Variants in MEGF6 observed in about 807,000 individuals in gnomAD.
MEGF6 encodes multiple epidermal growth factor-like domains protein 6.
MEGF6 carries 184 observed loss-of-function variants against 207.1 expected under a neutral mutation model. That is an observed-to-expected ratio of 0.89 (90% CI 0.79 to 1.00). MEGF6 has a LOEUF of 1.00. Ranked by LOEUF, MEGF6 falls within the 50% of genes least tolerant of loss-of-function variation. The pLI is 0.00. For missense variants in MEGF6, 2,282 were observed against 2,202.9 expected (o/e 1.04, Z -0.72); for synonymous variants, 1,038 against 910.0 (o/e 1.14, Z -2.53).
At position 3,596,662 on chromosome 1, in the gene MEGF6, C is replaced by T. The variant is rs563024811; in HGVS notation, c.267-1215G>A. On this transcript the variant is annotated intron_variant, in intron 2 of 36. Coordinates refer to ENST00000356575, the MANE Select transcript of MEGF6 (RefSeq NM_001409.4). ...CCCGTCTCCACCCCAGGGCACCCTG[C>T]GCCATCCCCTGCCCAGACCCTGTCT... Among the ~76,000 whole-genome samples, 471 of 120,260 alleles carry T rather than the reference C, an allele frequency of 3.9e-3. 26 individuals are homozygous for T. The highest frequency in any genetic ancestry group is 0.016 in the African/African-American group (444 of 28,550). 78.9% of individuals were successfully genotyped at this position (120,260 alleles called of 152,430 possible).
At chr1:3,533,463 T>C (rs1642236352) in intron 4 of MEGF6, among the ~76,000 whole-genome samples, 1 of 152,210 alleles carries the variant, frequency 6.6e-6, no homozygotes, top group South Asian at 2.1e-4. Flanking sequence ...AATGTGCAAC[T>C]CATTGCCAAC....
In MEGF6 at chr1:3,565,595, A is replaced by T. The variant is rs371170218; in HGVS notation, c.481+14230T>A. 5.7e-4 allele frequency among the ~76,000 whole-genome samples: 87 copies of T among 152,218 alleles called. No homozygotes were observed. The highest frequency in any genetic ancestry group is 2.0e-3 in the African/African-American group (83 of 41,534). On this transcript the variant is annotated intron_variant, in intron 4 of 36. Transcript: ENST00000356575. The surrounding 1 kb of genome is among the most constrained non-coding windows in gnomAD (Gnocchi z 4.8). ...GGCCCTGGACGGTCCCCATGGTAGG[A>T]CCTGGGGCACAGCACCAGGGTGCCC... is the stretch of plus-strand genomic sequence containing the variant.
chr1:3,588,675 G>A (rs1643932463), intron 3 of MEGF6, among the ~76,000 whole-genome samples: 1 of 152,028 alleles, frequency 6.6e-6, no homozygotes. Flanking sequence ...GCTGGGCACA[G>A]AGAAGGGCTC....
chr1:3,496,005 G>A lies in MEGF6; in HGVS notation c.3756C>T (p.Gly1252=), dbSNP rs771393042. 140 of 1,534,774 alleles carry A rather than the reference G, an allele frequency of 9.1e-5. No homozygotes were observed. The highest frequency in any genetic ancestry group is 1.2e-4 in the Non-Finnish European group (135 of 1,148,272). ...CGTGGGTGCAGTTGGGGCCGAAGCG[G>A]CCCTGCGGACAGGCTGCCGGGGAGG... ...GTDCNLTCPQ[G]RFGPNCTHVC... The change falls in exon 30 of 37, where the codon GGC becomes GGT. Residue 1252 remains glycine, a synonymous_variant. Coordinates refer to ENST00000356575, the MANE Select transcript of MEGF6 (RefSeq NM_001409.4).
intron 24 of MEGF6, 99 bp from the exon 25 acceptor site, chr1:3,498,925 C>T: frequency 6.7e-7 from 1 of 1,483,134 alleles, no homozygotes. Context: ...TGGGGTCAGG[C>T]ACCTTGCAGG....
chr1:3,591,379 C>A (rs1010234970), intron 3 of MEGF6, among the ~76,000 whole-genome samples: 11 of 152,124 alleles, frequency 7.2e-5, no homozygotes. Context: ...CCAAGGTGCC[C>A]GATCACCATG....
upstream of MEGF6, among the ~76,000 whole-genome samples, chr1:3,616,062 C>A (rs745442583): frequency 6.6e-6 from 1 of 152,166 alleles, no homozygotes; most frequent in Non-Finnish European, 1.5e-5. Flanking sequence ...GGAGAAATAA[C>A]GTAGGGAGAA....
At chr1:3,568,162 C>T (rs1299094653) in intron 4 of MEGF6, among the ~76,000 whole-genome samples, 1 of 152,210 alleles carries the variant, frequency 6.6e-6, no homozygotes, top group Non-Finnish European at 1.5e-5. Flanking sequence ...ATGTCTACTG[C>T]AGCCAGGGCC....
At chr1:3,582,936 C>A (rs1643833514) in intron 3 of MEGF6, among the ~76,000 whole-genome samples, 1 of 152,196 alleles carries the variant, frequency 6.6e-6, no homozygotes, top group Non-Finnish European at 1.5e-5. Context: ...GAGAGCAGCC[C>A]CCAACTCCAT....
At chr1:3,578,941 G>A (rs912885809) in intron 4 of MEGF6, among the ~76,000 whole-genome samples, 13 of 143,596 alleles carry the variant, frequency 9.1e-5, no homozygotes, top group African/African-American at 3.6e-4. Context: ...TCACAAACAC[G>A]GGGACCTCCT....
At chr1:3,511,506 T>A in intron 9 of MEGF6, 44 bp downstream of exon 9, 1 of 1,566,920 alleles carries the variant, frequency 6.4e-7, no homozygotes, top group African/African-American at 1.3e-5. Context: ...CAGCAGCGGG[T>A]CCCTGGAGTG....
chr1:3,587,243 C>A (rs139325901), intron 3 of MEGF6, among the ~76,000 whole-genome samples: 6 of 152,240 alleles, frequency 3.9e-5, no homozygotes, highest in Admixed American at 6.5e-5. Flanking sequence ...ATAACACCAG[C>A]GGGCCTTCAG....
intron 2 of MEGF6, among the ~76,000 whole-genome samples, chr1:3,601,316 G>A (rs1644153669): frequency 1.3e-5 from 2 of 152,256 alleles, no homozygotes; most frequent in Non-Finnish European, 2.9e-5. Context: ...ATTCCCGCAG[G>A]GAAATCCACC....
chr1:3,520,954 C>T (rs1295766415), intron 5 of MEGF6, among the ~76,000 whole-genome samples: 1 of 152,162 alleles, frequency 6.6e-6, no homozygotes, highest in African/African-American at 2.4e-5. Context: ...GAGCTCTGGC[C>T]CCATGCTGGG....
chr1:3,536,657 C>T (rs553941642), intron 4 of MEGF6, among the ~76,000 whole-genome samples: 271 of 152,296 alleles, frequency 1.8e-3, no homozygotes, highest in African/African-American at 5.6e-3. Flanking sequence ...ACGCAGCCGG[C>T]GTCTGTGCCT....
Position 3,513,205 on chromosome 1 carries a change from G to A in MEGF6, c.854-1077C>T, listed in dbSNP as rs1383325014. The stretch of plus-strand genomic sequence containing the variant: ...TTCTATTTTTTTTATTATTTTACTT[G>A]TTTATTTATTTATTTATTTATTTTT... On this transcript the variant is annotated intron_variant, in intron 7 of 36. Transcript: ENST00000356575. 4.0e-5 allele frequency among the ~76,000 whole-genome samples: 6 copies of A among 151,828 alleles called. No individual in the cohort carries two copies. In the East Asian group the frequency reaches 9.6e-4, roughly 24 times the overall value.
At chr1:3,511,972 G>C (rs1641366048) in intron 8 of MEGF6, 34 bp downstream of exon 8, 1 of 1,610,994 alleles carries the variant, frequency 6.2e-7, no homozygotes, top group South Asian at 1.1e-5. Context: ...GGCCATCCCG[G>C]GCACCTTCAG....
At chr1:3,503,177 C>T (rs1030563893) in intron 17 of MEGF6, among the ~76,000 whole-genome samples, 6 of 152,124 alleles carry the variant, frequency 3.9e-5, no homozygotes, top group African/African-American at 1.4e-4. Context: ...GTCACCAGGG[C>T]CCATCCCCAG....
chr1:3,561,946 C>T (rs1643213915), intron 4 of MEGF6, among the ~76,000 whole-genome samples: 1 of 152,242 alleles, frequency 6.6e-6, no homozygotes, highest in Non-Finnish European at 1.5e-5. Context: ...TTCCTTGGTT[C>T]CTCCAAAGAT....
Sources: allele counts gnomAD v4.1 joint callset (sites outside exome capture counted in the v4.1 genomes callset), GRCh38; gene constraint gnomAD v4.1.1; non-coding constraint Gnocchi (gnomAD v3.1); transcripts MANE v1.5; gene names NCBI Gene and HGNC (gene_info 2026-07-23, HGNC 2026-07-21).